The following MGAM variants were observed in gnomAD, a reference collection of about 807,000 sequenced individuals.
The protein encoded by MGAM is alpha-1,4-glucosidase.
Under a neutral mutation model 358.8 loss-of-function variants are expected in MGAM, and 253 were observed. The observed-to-expected ratio is 0.71, with a 90% CI of 0.64 to 0.78. The LOEUF (loss-of-function observed/expected upper bound fraction) is 0.78. Ranked by LOEUF, MGAM falls within the 30% of genes least tolerant of loss-of-function variation. The pLI, the probability that MGAM is intolerant of heterozygous loss-of-function variation, is 0.00. For missense variants in MGAM, 3,080 were observed against 3,432.6 expected (o/e 0.90, Z 2.57); for synonymous variants, 1,105 against 1,227.1 (o/e 0.90, Z 2.08).
intron 8 of MGAM, among the ~76,000 whole-genome samples, chr7:142,025,741 T>G (rs2128999501): frequency 6.6e-6 from 1 of 152,256 alleles, no homozygotes; most frequent in South Asian, 2.1e-4. Flanking sequence ...TAGTAATTAA[T>G]TTTCATATTA....
chr7:142,031,039 G>A (rs1377332243), intron 12 of MGAM, among the ~76,000 whole-genome samples: 2 of 151,992 alleles, frequency 1.3e-5, no homozygotes, highest in African/African-American at 2.4e-5. Context: ...AGCTGACTGT[G>A]GTCTCCTTCC....
chr7:142,064,179 C>T (rs1812496017), intron 36 of MGAM, among the ~76,000 whole-genome samples: 3 of 152,206 alleles, frequency 2.0e-5, no homozygotes, highest in Non-Finnish European at 2.9e-5. Context: ...ACCTCTGCTT[C>T]CTTCAGTGAA....
intron 4 of MGAM, among the ~76,000 whole-genome samples, chr7:142,020,605 T>TA (rs59127096): frequency 2.9e-3 from 311 of 107,014 alleles, no homozygotes; most frequent in African/African-American, 0.01. Flanking sequence ...ATATATATAT[T>TA]TTTTTTTTTT....
intron 13 of MGAM, among the ~76,000 whole-genome samples, chr7:142,032,348 G>C (rs926899976): frequency 6.6e-6 from 1 of 151,930 alleles, no homozygotes; most frequent in Non-Finnish European, 1.5e-5. Flanking sequence ...ACAATACAGA[G>C]AGTTAAAAAG....
intron 19 of MGAM, among the ~76,000 whole-genome samples, 153 bp from the exon 20 acceptor site, chr7:142,039,962 C>T (rs1322996081): frequency 6.6e-6 from 1 of 152,156 alleles, no homozygotes; most frequent in Non-Finnish European, 1.5e-5. Context: ...TGCCAAGTTA[C>T]AGTTTCTATT....
At chr7:142,018,697 G>C (rs562796955) in intron 3 of MGAM, among the ~76,000 whole-genome samples, 12 of 152,162 alleles carry the variant, frequency 7.9e-5, no homozygotes, top group African/African-American at 2.9e-4. Context: ...GCCTCTGGAG[G>C]AGTTGAGAGA....
rs748527582 is a variant in MGAM at position 142,086,727 on chromosome 7, CTT to C, written c.6810+12_6810+13del. 17 of 1,095,118 alleles carry C rather than the reference CTT, an allele frequency of 1.6e-5. 6 individuals are homozygous for C. The Admixed American group carries it at 3.2e-4, about 20-fold the overall frequency. 67.8% of individuals were successfully genotyped at this position (1,095,118 alleles called of 1,614,324 possible). On this transcript the variant is annotated intron_variant, in intron 57 of 70. Coordinates refer to ENST00000475668, the MANE Select transcript of MGAM (RefSeq NM_001365693.1). ...GGACAGTCAAGTGGAGGTAAAGGGT[CTT>C]TGTAAATTTGGGTGGAGTCAGGGTT...
At chr7:142,010,270 T>A (rs1450278187) in intron 3 of MGAM, among the ~76,000 whole-genome samples, 1 of 152,192 alleles carries the variant, frequency 6.6e-6, no homozygotes. Flanking sequence ...CTAGTTCGGA[T>A]CTTTAGTTCT....
Position 142,092,408 on chromosome 7 carries a change from C to T in MGAM, c.6946-113C>T, listed in dbSNP as rs1402734648. The T allele has an allele frequency of 3.4e-5, 37 of 1,093,442 alleles. 4 individuals carry two copies. The highest frequency in any genetic ancestry group is 4.7e-5 in the Non-Finnish European group (35 of 752,636). 67.7% of individuals were successfully genotyped at this position (1,093,442 alleles called of 1,614,324 possible). A position where few individuals can be genotyped will look rare whatever the true frequency, so the allele number is the denominator to read the frequency against. On this transcript the variant is annotated intron_variant, in intron 58 of 70. Transcript: ENST00000475668. ...GATTTGATGAAGCTCCCAGGGCTGG[C>T]ATCTATAGGGATTACTGGATGTTGA...
In MGAM at chr7:142,095,444, T is replaced by C. The variant is rs1585105253; in HGVS notation, c.7459-121T>C. The C allele has an allele frequency of 2.9e-6, 4 of 1,380,430 alleles. No homozygotes were observed. The East Asian group carries it at 9.6e-5, about 33-fold the overall frequency. The allele number at this position is 1,380,430 out of a possible 1,614,324, so 85.5% of individuals were successfully genotyped here. The stretch of plus-strand genomic sequence containing the variant: ...TATTAAGAATATTCTCTGGGCCTCA[T>C]GTGTAGTTTTCTTTTGTTTAGCTGT... On this transcript the variant is annotated intron_variant, in intron 63 of 70. Coordinates refer to ENST00000475668, the MANE Select transcript of MGAM (RefSeq NM_001365693.1).
rs191279023 is a variant in MGAM at position 141,988,489 on chromosome 7, C to T, written c.-2-17040C>T. Among the ~76,000 whole-genome samples the T allele has an allele frequency of 1.7e-4, 26 of 152,046 alleles. No individual in the cohort carries two copies. In the East Asian group the frequency reaches 2.7e-3, roughly 16 times the overall value. On this transcript the variant is annotated intron_variant, in intron 2 of 5. Coordinates refer to the MGAM transcript ENST00000465654. The stretch of plus-strand genomic sequence containing the variant: ...AAGCGATTCTCTTACCTCAGCCTCC[C>T]GAGTAGCTGAGATAACAGGCGCCCG...
intron 65 of MGAM, among the ~76,000 whole-genome samples, chr7:142,097,053 C>T (rs1204591271): frequency 5.9e-5 from 9 of 151,902 alleles, no homozygotes; most frequent in Admixed American, 5.2e-4. Context: ...CTCAACCTGC[C>T]GAGTAGCTAG....
upstream of MGAM, among the ~76,000 whole-genome samples, chr7:141,995,078 T>C (rs1804130281): frequency 1.3e-5 from 2 of 152,206 alleles, no homozygotes; most frequent in Non-Finnish European, 2.9e-5. Flanking sequence ...TGCCTATTCT[T>C]TAGCAAAGTC....
In MGAM at chr7:142,065,440, A is replaced by G. The variant is rs201340059; in HGVS notation, c.4590A>G (p.Ala1530=). ...AGHWLGDNTA[A]WDQLKKSIIG... ...ATTGGCTGGGAGACAACACGGCCGC[A>G]TGGGATCAGCTGAAGAAGTCTATCA... Residue 1530 remains alanine, a synonymous_variant, in exon 38 of 71, where the codon GCA becomes GCG. Transcript: ENST00000475668. 2.4e-5 allele frequency: 38 copies of G among 1,610,312 alleles called. No homozygotes were observed. The highest frequency in any genetic ancestry group is 1.9e-4 in the African/African-American group (14 of 74,952).
intron 21 of MGAM, among the ~76,000 whole-genome samples, chr7:142,045,208 A>C (rs1276308317): frequency 1.6e-4 from 2 of 12,446 alleles, no homozygotes; most frequent in African/African-American, 5.7e-4. Context: ...TATATTATAT[A>C]ACATATATGT....
At chr7:142,016,951 A>G (rs531076650) in intron 3 of MGAM, among the ~76,000 whole-genome samples, 62 of 152,230 alleles carry the variant, frequency 4.1e-4, no homozygotes, top group African/African-American at 1.4e-3. Flanking sequence ...TTAGTTTAGG[A>G]TGTGTAAACT....
chr7:142,069,147 T>C (rs1403499909), intron 43 of MGAM, among the ~76,000 whole-genome samples: 1 of 146,150 alleles, frequency 6.8e-6, no homozygotes, highest in African/African-American at 2.4e-5. Flanking sequence ...TTCCATAGCA[T>C]AGATGCTCAA....
intron 8 of MGAM, 110 bp from the exon 9 acceptor site, chr7:142,027,005 T>G: frequency 1.2e-6 from 1 of 802,632 alleles, no homozygotes; most frequent in Non-Finnish European, 2.1e-6. Context: ...GGCACTAGGG[T>G]CACCTTGTTA....
upstream of MGAM, among the ~76,000 whole-genome samples, chr7:141,992,848 G>T (rs1032307728): frequency 6.6e-6 from 1 of 152,154 alleles, no homozygotes; most frequent in African/African-American, 2.4e-5. Context: ...CTCCCAAAGT[G>T]CTAGGATTAC....
Sources: allele counts gnomAD v4.1 joint callset (sites outside exome capture counted in the v4.1 genomes callset), GRCh38; gene constraint gnomAD v4.1.1; transcripts MANE v1.5; gene names NCBI Gene and HGNC (gene_info 2026-07-23, HGNC 2026-07-21).